The following ASXL2 variants were observed in gnomAD, a reference collection of about 807,000 sequenced individuals.
ASXL2 encodes ASXL transcriptional regulator 2, also known as putative Polycomb group protein ASXL2.
In ASXL2, 23 loss-of-function variants were observed where a neutral mutation model predicts 122.0. The ratio of observed to expected loss-of-function variants is 0.19; its 90% CI spans 0.14 to 0.27. The LOEUF is 0.27. Among genes scored for constraint, ASXL2 ranks in the 10% least tolerant of loss-of-function variants. ASXL2 has a pLI of 1.00. For synonymous variants in ASXL2, 650 were observed against 637.0 expected (o/e 1.02, Z -0.31); for missense variants, 1,518 against 1,713.8 (o/e 0.89, Z 2.02).
chr2:25,747,938 G>A (rs2087969864), intron 12 of ASXL2, among the ~76,000 whole-genome samples: 1 of 152,180 alleles, frequency 6.6e-6, no homozygotes, highest in African/African-American at 2.4e-5. Context: ...GGAGGCCGAG[G>A]CAGGTGGATC....
chr2:25,834,828 AT>A lies in ASXL2; in HGVS notation c.143+709del, dbSNP rs932644740. On this transcript the variant is annotated intron_variant, in intron 3 of 12. Coordinates refer to ENST00000435504, the MANE Select transcript of ASXL2 (RefSeq NM_018263.6). ...TATCATGCCCCTAAAGGATTTACCA[AT>A]TTTTTTTTTTTTAGACGGAGTCTTG... Among the ~76,000 whole-genome samples the A allele has an allele frequency of 4.7e-3, 681 of 146,038 alleles. 6 individuals carry two copies. The highest frequency in any genetic ancestry group is 0.013 in the African/African-American group (515 of 40,164).
chr2:25,763,311 G>C (rs1432888332), intron 8 of ASXL2, among the ~76,000 whole-genome samples: 1 of 152,054 alleles, frequency 6.6e-6, no homozygotes, highest in Non-Finnish European at 1.5e-5. Context: ...CCAACATGAT[G>C]AAACCCTGTC....
At chr2:25,836,771 T>G (rs1424584480) in intron 2 of ASXL2, among the ~76,000 whole-genome samples, 2 of 152,162 alleles carry the variant, frequency 1.3e-5, no homozygotes, top group African/African-American at 4.8e-5. Context: ...GTGTGAAAGA[T>G]TCAAACTCAC....
At chr2:25,784,820 C>T (rs2088710328) in intron 5 of ASXL2, among the ~76,000 whole-genome samples, 1 of 152,210 alleles carries the variant, frequency 6.6e-6, no homozygotes. Context: ...AACTAATTAA[C>T]TCTACAACAG....
In ASXL2 at chr2:25,769,880, A is replaced by G. The variant is rs539922837; in HGVS notation, c.505-1012T>C. 2.0e-5 allele frequency among the ~76,000 whole-genome samples: 3 copies of G among 152,362 alleles called. No homozygotes were observed. In the South Asian group the frequency reaches 6.2e-4, roughly 32 times the overall value. On this transcript the variant is annotated intron_variant, in intron 6 of 12. Transcript: ENST00000435504. Reference sequence around the variant, plus strand: ...TGGCTATGCTATAGGCACAGTGGCAACAAATGATCTCCTCACTCTAAGTTG... The same window carrying G: ...TGGCTATGCTATAGGCACAGTGGCAGCAAATGATCTCCTCACTCTAAGTTG...
At chr2:25,851,163 G>C (rs72801875) in intron 1 of ASXL2, among the ~76,000 whole-genome samples, 1 of 136,426 alleles carries the variant, frequency 7.3e-6, no homozygotes, top group Non-Finnish European at 1.6e-5. Context: ...AAAAAAAAAA[G>C]AAAGAAAGAA....
chr2:25,775,062 G>C (rs183683164), intron 5 of ASXL2, among the ~76,000 whole-genome samples: 63 of 152,236 alleles, frequency 4.1e-4, no homozygotes, highest in African/African-American at 1.4e-3. Context: ...ATGTATGCTA[G>C]ATAGATGTCC....
At chr2:25,756,145 A>G in intron 9 of ASXL2, 31 bp from the exon 10 acceptor site, 1 of 1,438,592 alleles carries the variant, frequency 7.0e-7, no homozygotes, top group Non-Finnish European at 9.4e-7. Flanking sequence ...AGGAAAGCTT[A>G]CAAAGAAAGT....
Position 25,742,461 on chromosome 2 carries a change from A to G in ASXL2, c.3876T>C (p.Thr1292=), listed in dbSNP as rs1221023356. 6.2e-7 allele frequency: 1 copy of G among 1,613,028 alleles called. No homozygotes were observed. Among genetic ancestry groups the G allele is most frequent in the South Asian group, 1.1e-5 (1 of 90,844 alleles). ...IRSSPELFSS[T]VLPLPADSPT... is the part of the protein sequence containing the mutation. ...GGCTGTCTGCAGGCAGAGGAAGAAC[A>G]GTAGAACTGAAAAGCTCGGGGCTGC... Residue 1292 remains threonine (T), a synonymous_variant, in exon 13 of 13, where the codon ACT becomes ACC. Coordinates refer to ENST00000435504, the MANE Select transcript of ASXL2 (RefSeq NM_018263.6).
In ASXL2 at chr2:25,871,081, T is replaced by C. The variant is rs78225630; in HGVS notation, c.57+7085A>G. On this transcript the variant is annotated intron_variant, in intron 1 of 12. Coordinates refer to ENST00000435504, the MANE Select transcript of ASXL2 (RefSeq NM_018263.6). ...GAGTTCTAAAATTTAGCTCATTCAATAACCTTTTAACAATAGTAAAAACAT... is the reference window on the plus strand; with the variant it reads ...GAGTTCTAAAATTTAGCTCATTCAACAACCTTTTAACAATAGTAAAAACAT... Among the ~76,000 whole-genome samples, 602 of 152,324 alleles carry C rather than the reference T, an allele frequency of 4.0e-3. 3 individuals are homozygous for C. Among genetic ancestry groups the C allele is most frequent in the Non-Finnish European group, 5.2e-3 (356 of 68,024 alleles).
chr2:25,832,254 G>A lies in ASXL2; in HGVS notation c.143+3284C>T, dbSNP rs115065534. On this transcript the variant is annotated intron_variant, in intron 3 of 12. Coordinates refer to ENST00000435504, the MANE Select transcript of ASXL2 (RefSeq NM_018263.6). ...TACTCAAGAATCTAAATGGAAGTAC[G>A]GTTTCCACACTTCACTTAGAGTGGT... Among the ~76,000 whole-genome samples, 455 of 152,224 alleles carry A rather than the reference G, an allele frequency of 3.0e-3. 1 individual carries two copies. Among genetic ancestry groups the A allele is most frequent in the African/African-American group, 0.01 (432 of 41,534 alleles).
At chr2:25,871,468 A>C (rs994950024) in intron 1 of ASXL2, among the ~76,000 whole-genome samples, 3 of 150,730 alleles carry the variant, frequency 2.0e-5, no homozygotes, top group African/African-American at 7.4e-5. Flanking sequence ...AGAAATTTTT[A>C]ATTTAAGTGT....
At chr2:25,832,432 A>T (rs1325407225) in intron 3 of ASXL2, among the ~76,000 whole-genome samples, 6 of 152,260 alleles carry the variant, frequency 3.9e-5, no homozygotes, top group African/African-American at 9.6e-5. Flanking sequence ...GAGGAAGTCA[A>T]GAAAAGAGAA....
chr2:25,788,450 G>C (rs2088781812), intron 5 of ASXL2, among the ~76,000 whole-genome samples: 1 of 151,814 alleles, frequency 6.6e-6, no homozygotes, highest in African/African-American at 2.4e-5. Flanking sequence ...ATTTCTTTTT[G>C]TACTCCTTTC....
rs983184593 is a variant in ASXL2 at position 25,768,879 on chromosome 2, A to G, written c.505-11T>C. ...TTGCTGCTTTAGCGCCTATAAAGAT[A>G]AAACAGACTATAAGAAACAAAACCA... is the stretch of plus-strand genomic sequence containing the variant. On this transcript the variant is annotated splice_polypyrimidine_tract_variant and intron_variant, in intron 6 of 12. Transcript: ENST00000435504. 3.7e-6 allele frequency: 6 copies of G among 1,611,952 alleles called. No individual in the cohort carries two copies. The highest frequency in any genetic ancestry group is 5.1e-6 in the Non-Finnish European group (6 of 1,178,980).
In ASXL2 at chr2:25,744,809, TAA is replaced by T. The variant is rs1056641214; in HGVS notation, c.1861-335_1861-334del. Among the ~76,000 whole-genome samples, 1 of 152,180 alleles carries T rather than the reference TAA, an allele frequency of 6.6e-6. No individual in the cohort carries two copies. The highest frequency in any genetic ancestry group is 2.4e-5 in the African/African-American group (1 of 41,422). ...AAGTTTTCTATGGTATTTGCATTTT[TAA>T]AAAGTGTATTTATGTTTGAGAAAGA... On this transcript the variant is annotated intron_variant, in intron 12 of 12. Transcript: ENST00000435504. This position sits in a 1 kb window ranked among gnomAD's most constrained non-coding sequence, Gnocchi z 4.7.
chr2:25,835,296 C>T (rs2089495877), intron 3 of ASXL2, among the ~76,000 whole-genome samples: 1 of 152,126 alleles, frequency 6.6e-6, no homozygotes, highest in Non-Finnish European at 1.5e-5. Flanking sequence ...TTTTAATAAA[C>T]CTTAATGTAG....
intron 5 of ASXL2, among the ~76,000 whole-genome samples, chr2:25,796,349 T>C (rs958318352): frequency 2.6e-5 from 4 of 152,220 alleles, no homozygotes; most frequent in African/African-American, 9.6e-5. Context: ...AATGTCTGTT[T>C]TGCTCTGGAA....
chr2:25,751,673 T>C (rs1233938990), intron 11 of ASXL2, among the ~76,000 whole-genome samples: 1 of 150,636 alleles, frequency 6.6e-6, no homozygotes, highest in Non-Finnish European at 1.5e-5. Context: ...AAGGAGGGAA[T>C]GAACAAATAT....
Sources: allele counts gnomAD v4.1 joint callset (sites outside exome capture counted in the v4.1 genomes callset), GRCh38; gene constraint gnomAD v4.1.1; non-coding constraint Gnocchi (gnomAD v3.1); transcripts MANE v1.5; gene names NCBI Gene and HGNC (gene_info 2026-07-23, HGNC 2026-07-21).